STK32B: variants seen among roughly 807,000 people sequenced by gnomAD.
The protein encoded by STK32B is serine/threonine-protein kinase 32B.
A neutral mutation model predicts 52.6 loss-of-function variants in STK32B; 43 were observed. That is an observed-to-expected ratio of 0.82 (90% CI 0.64 to 1.05). The LOEUF is 1.05. Among genes scored for constraint, STK32B ranks in the 50% least tolerant of loss-of-function variants. The probability of loss-of-function intolerance (pLI) is 0.00; values close to 1 mark genes in which losing one functional copy is unlikely to be tolerated. For missense variants in STK32B, 621 were observed against 534.6 expected, an observed-to-expected ratio of 1.16 and a Z score of -1.59; for synonymous variants, 238 against 204.3, an observed-to-expected ratio of 1.17 and a Z score of -1.41.
chr4:5,244,971 T>G (rs1382303888), intron 3 of STK32B, among the ~76,000 whole-genome samples: 1 of 152,188 alleles, frequency 6.6e-6, no homozygotes, highest in Non-Finnish European at 1.5e-5. Flanking sequence ...TTCTTTTGCA[T>G]TTGCTGAGGA....
At chr4:5,074,820 T>G (rs1021747354) in intron 1 of STK32B, among the ~76,000 whole-genome samples, 1 of 152,202 alleles carries the variant, frequency 6.6e-6, no homozygotes, top group African/African-American at 2.4e-5. Context: ...AAGTTCATTT[T>G]GATCTTCAGA....
At chr4:5,285,200 G>GC (rs1286040937) in intron 3 of STK32B, among the ~76,000 whole-genome samples, 1 of 152,140 alleles carries the variant, frequency 6.6e-6, no homozygotes, top group Admixed American at 6.6e-5. Context: ...TCTTGGTAAG[G>GC]CTACCGGTCG....
intron 3 of STK32B, among the ~76,000 whole-genome samples, chr4:5,193,683 G>A (rs533956122): frequency 2.0e-5 from 3 of 152,346 alleles, no homozygotes; most frequent in Non-Finnish European, 4.4e-5. Context: ...AGTGAGATTG[G>A]GTTTTTATTT....
chr4:5,204,767 G>A (rs898842109), intron 3 of STK32B, among the ~76,000 whole-genome samples: 6 of 152,080 alleles, frequency 3.9e-5, no homozygotes, highest in Admixed American at 1.3e-4. Context: ...TGCTCCCGGC[G>A]TGTCCTGGGT....
intron 3 of STK32B, among the ~76,000 whole-genome samples, chr4:5,194,658 A>G (rs1014194313): frequency 6.6e-6 from 1 of 152,236 alleles, no homozygotes; most frequent in Non-Finnish European, 1.5e-5. Context: ...TCTCACTGCT[A>G]TAAAGAAATA....
Position 5,094,447 on chromosome 4 carries a change from G to T in STK32B, c.52+42532G>T, listed in dbSNP as rs75205300. ...GTGGGAGGATTGTTTGAGCCCAGGA[G>T]TTCAAGTTCAGCTTGAGCAATATAG... On this transcript the variant is annotated intron_variant, in intron 1 of 11. Transcript: ENST00000282908. 7.6e-3 allele frequency among the ~76,000 whole-genome samples: 1,161 copies of T among 152,242 alleles called. 8 individuals carry two copies. Among genetic ancestry groups the T allele is most frequent in the Middle Eastern group, 0.037 (11 of 294 alleles).
chr4:5,395,713 A>G lies in STK32B; in HGVS notation c.435-2494A>G, dbSNP rs1208679883. Among the ~76,000 whole-genome samples the G allele has an allele frequency of 6.6e-6, 1 of 152,232 alleles. No individual in the cohort carries two copies. The highest frequency in any genetic ancestry group is 1.5e-5 in the Non-Finnish European group (1 of 68,040). ...TGTGCTAAGAGCCAACACAGAAGCA[A>G]TGTGTGTTATGTATCAGGTATTTAA... On this transcript the variant is annotated intron_variant, in intron 4 of 11. Coordinates refer to ENST00000282908, the MANE Select transcript of STK32B (RefSeq NM_018401.3). The surrounding 1 kb of genome is among the most constrained non-coding windows in gnomAD (Gnocchi z 4.4).
intron 3 of STK32B, among the ~76,000 whole-genome samples, chr4:5,318,767 C>A (rs1291598172): frequency 1.3e-5 from 2 of 151,970 alleles, no homozygotes; most frequent in Admixed American, 6.6e-5. Context: ...GGGCTGGATT[C>A]ATGGCAAAAG....
At chr4:5,351,805 A>G (rs1197934353) in intron 4 of STK32B, among the ~76,000 whole-genome samples, 1 of 152,118 alleles carries the variant, frequency 6.6e-6, no homozygotes. Context: ...ACGAAAGATC[A>G]TCAGATACCA....
chr4:5,209,304 C>T (rs1021004050), intron 3 of STK32B, among the ~76,000 whole-genome samples: 2 of 152,174 alleles, frequency 1.3e-5, no homozygotes, highest in African/African-American at 4.8e-5. Flanking sequence ...TCACTGCAGC[C>T]TCAAAATCAC....
At chr4:5,064,874 T>C (rs376213499) in intron 1 of STK32B, among the ~76,000 whole-genome samples, 3 of 145,680 alleles carry the variant, frequency 2.1e-5, no homozygotes, top group South Asian at 4.2e-4. Flanking sequence ...TATATAAAAA[T>C]ATATTTCTCC....
intron 3 of STK32B, among the ~76,000 whole-genome samples, chr4:5,192,221 A>G (rs1721264129): frequency 6.6e-6 from 1 of 152,180 alleles, no homozygotes; most frequent in Admixed American, 6.5e-5. Context: ...AACCTATCAC[A>G]AGGGAATGTT....
intron 3 of STK32B, among the ~76,000 whole-genome samples, chr4:5,194,136 T>C (rs1377926145): frequency 6.6e-6 from 1 of 152,152 alleles, no homozygotes; most frequent in African/African-American, 2.4e-5. Flanking sequence ...CCTTTTCATC[T>C]CTGATGTTAA....
At chr4:5,023,250 G>A in the STK32B span, among the ~76,000 whole-genome samples, 1 of 152,092 alleles carries the variant, frequency 6.6e-6, no homozygotes, top group African/African-American at 2.4e-5. Context: ...GGAGTCCCTC[G>A]GTTTGTGGTG....
intron 3 of STK32B, among the ~76,000 whole-genome samples, chr4:5,321,668 TAAAA>T (rs1731499391): frequency 6.6e-6 from 1 of 152,142 alleles, no homozygotes; most frequent in Admixed American, 6.6e-5. Flanking sequence ...TTGAAATAAA[TAAAA>T]CCATGAAGGC....
At position 5,230,208 on chromosome 4, in the gene STK32B, T is replaced by TTTTTTTTG. The variant is rs58022709; in HGVS notation, c.260+61759_260+61760insTTTTTTGT. Among the ~76,000 whole-genome samples, 136 of 103,470 alleles carry TTTTTTTTG rather than the reference T, an allele frequency of 1.3e-3. 2 individuals are homozygous for TTTTTTTTG. The highest frequency in any genetic ancestry group is 0.011 in the Middle Eastern group (2 of 190). 67.9% of individuals were successfully genotyped at this position (103,470 alleles called of 152,430 possible). A position where few individuals can be genotyped will look rare whatever the true frequency, so the allele number is the denominator to read the frequency against. ...TTTTTTTTTTTTTTTTTTTTTTTTT[T>TTTTTTTTG]TAGTGGAGTCTTGCACCGTCGCCCA... On this transcript the variant is annotated intron_variant, in intron 3 of 11. Transcript: ENST00000282908.
intron 3 of STK32B, among the ~76,000 whole-genome samples, chr4:5,196,723 A>T (rs953074608): frequency 1.4e-4 from 20 of 145,422 alleles, no homozygotes; most frequent in Non-Finnish European, 2.4e-4. Context: ...TCTGTCTCAA[A>T]AAAATAAAAT....
intron 2 of STK32B, among the ~76,000 whole-genome samples, chr4:5,149,067 TTTC>T (rs997003539): frequency 1.5e-4 from 23 of 151,982 alleles, no homozygotes; most frequent in African/African-American, 4.1e-4. Context: ...TTCAGACATT[TTTC>T]TTCTTTATTT....
At chr4:5,148,209 ATCT>A (rs1019838586) in intron 2 of STK32B, among the ~76,000 whole-genome samples, 41 of 151,738 alleles carry the variant, frequency 2.7e-4, no homozygotes, top group Non-Finnish European at 4.1e-4. Flanking sequence ...TTATCATAGG[ATCT>A]TCTTAATTTT....
Sources: gnomAD v4.1 joint callset for allele counts (sites outside exome capture counted in the v4.1 genomes callset) on GRCh38, gnomAD v4.1.1 for gene constraint, Gnocchi (gnomAD v3.1) non-coding constraint, MANE v1.5 for transcripts, NCBI Gene and HGNC (gene_info 2026-07-23, HGNC 2026-07-21) for gene names.